The following BAIAP2 variants were observed in gnomAD, a reference collection of about 807,000 sequenced individuals.
The protein encoded by BAIAP2 is BAR/IMD domain-containing adapter protein 2.
A neutral mutation model predicts 63.0 loss-of-function variants in BAIAP2; 18 were observed. The ratio of observed to expected loss-of-function variants is 0.29; its 90% CI spans 0.20 to 0.42. BAIAP2 has a LOEUF of 0.42. BAIAP2 is among the 10% of genes least tolerant of loss of function. The pLI is 1.00. For synonymous variants in BAIAP2, 386 were observed against 307.6 expected (o/e 1.25, Z -2.67); for missense variants, 610 against 734.3 (o/e 0.83, Z 1.96).
chr17:81,098,432 TA>T (rs774653908), intron 6 of BAIAP2, among the ~76,000 whole-genome samples: 345 of 147,680 alleles, frequency 2.3e-3, no homozygotes, highest in Admixed American at 6.2e-3. Context: ...TTTTTTTTTT[TA>T]AATTGTGATA....
intron 13 of BAIAP2, among the ~76,000 whole-genome samples, chr17:81,111,307 G>A (rs2059902661): frequency 2.0e-5 from 3 of 152,262 alleles, no homozygotes. Context: ...AGCAGCTGCA[G>A]CCCGGGCCTT....
intron 2 of BAIAP2, among the ~76,000 whole-genome samples, chr17:81,054,250 G>A (rs1434335123): frequency 1.3e-5 from 1 of 76,606 alleles, no homozygotes; most frequent in African/African-American, 5.8e-5. Context: ...CCCTTGGGGT[G>A]GGAGCTGCCT....
At chr17:81,111,196 G>A (rs1311057668) in intron 13 of BAIAP2, among the ~76,000 whole-genome samples, 2 of 152,206 alleles carry the variant, frequency 1.3e-5, no homozygotes, top group East Asian at 1.9e-4. Flanking sequence ...CTGTGCCCGG[G>A]GCTCCTCTCA....
At chr17:81,067,194 A>G (rs942712825) in intron 3 of BAIAP2, among the ~76,000 whole-genome samples, 1 of 152,098 alleles carries the variant, frequency 6.6e-6, no homozygotes, top group African/African-American at 2.4e-5. Context: ...CCCTCCCTAC[A>G]GTAGGACTCC....
intron 3 of BAIAP2, among the ~76,000 whole-genome samples, chr17:81,077,288 C>T (rs1330133606): frequency 6.6e-6 from 1 of 152,058 alleles, no homozygotes. Flanking sequence ...ATTTCTTAGC[C>T]GGGCATGGCA....
chr17:81,109,399 A>C, intron 13 of BAIAP2: 1 of 1,025,502 alleles, frequency 9.8e-7, no homozygotes, highest in Non-Finnish European at 1.2e-6. Context: ...AAAAAAAGAA[A>C]AAAAGAAAAA....
chr17:81,057,831 TTGTC>T, intron 2 of BAIAP2, 46 bp from the exon 3 acceptor site: 1 of 1,580,408 alleles, frequency 6.3e-7, no homozygotes, highest in South Asian at 1.2e-5. Flanking sequence ...GCTGGGGGTC[TTGTC>T]TGTCCCTCGT....
chr17:81,104,163 C>T lies in BAIAP2; in HGVS notation c.1066+55C>T, dbSNP rs1437806925. 4.4e-6 allele frequency: 7 copies of T among 1,577,510 alleles called. No homozygotes were observed. In the South Asian group the frequency reaches 4.5e-5, roughly 10 times the overall value. On this transcript the variant is annotated intron_variant, in intron 9 of 13. Coordinates refer to ENST00000428708, the MANE Select transcript of BAIAP2 (RefSeq NM_001144888.2). ...GGTCCCTGGACGTGCCTCCTCAGAC[C>T]CTACAGTCATGCCACAACCCTCAAT...
chr17:81,054,543 A>G (rs1211860925), intron 2 of BAIAP2, among the ~76,000 whole-genome samples: 1 of 152,168 alleles, frequency 6.6e-6, no homozygotes, highest in Non-Finnish European at 1.5e-5. Flanking sequence ...GTCCTGTGGC[A>G]TCTAGAGACG....
At chr17:81,108,394 T>G in intron 12 of BAIAP2, 81 bp from the exon 13 acceptor site, 3 of 1,473,122 alleles carry the variant, frequency 2.0e-6, no homozygotes, top group Non-Finnish European at 2.8e-6. Context: ...GGATCACCAT[T>G]TGTGGGTGTG....
intron 1 of BAIAP2, among the ~76,000 whole-genome samples, chr17:81,038,871 C>T (rs886157082): frequency 2.0e-5 from 3 of 148,978 alleles, no homozygotes; most frequent in Non-Finnish European, 4.4e-5. Flanking sequence ...CTGACAGGCA[C>T]CTCCTGGCAT....
At chr17:81,050,895 C>T (rs1419827931) in intron 1 of BAIAP2, among the ~76,000 whole-genome samples, 1 of 151,556 alleles carries the variant, frequency 6.6e-6, no homozygotes. Context: ...ACAAGAAACG[C>T]GCATCCGGCA....
intron 1 of BAIAP2, among the ~76,000 whole-genome samples, chr17:81,041,547 T>C (rs1273004038): frequency 6.6e-6 from 1 of 151,564 alleles, no homozygotes; most frequent in Non-Finnish European, 1.5e-5. Flanking sequence ...TTTTCGTTTT[T>C]TGTTTGTTTT....
intron 3 of BAIAP2, among the ~76,000 whole-genome samples, chr17:81,064,042 T>G (rs112276021): frequency 2.6e-5 from 4 of 152,334 alleles, no homozygotes; most frequent in African/African-American, 9.6e-5. Context: ...GCCTGTCCTC[T>G]CTCTGCTGGC....
At chr17:81,053,445 C>T in intron 1 of BAIAP2, 1 of 580,266 alleles carries the variant, frequency 1.7e-6, no homozygotes, top group Non-Finnish European at 3.1e-6. Context: ...TTCTTACCCC[C>T]TTTGCACAGG....
chr17:81,115,810 A>G lies in BAIAP2; in HGVS notation c.1576A>G (p.Asn526Asp). The change falls in exon 14 of 14, where the codon AAC (asparagine) becomes GAC (aspartate). Residue 526 changes from asparagine (N) to aspartate (D), a missense_variant. Asn to Asp is a conservative substitution (Grantham distance 23). Around this residue, in one of 5 missense-constraint regions of BAIAP2, gnomAD observed 114 missense variants for 98.2 expected, o/e 1.16. Transcript: ENST00000428708. Reference protein sequence around the residue: ...AHVQLKPTVTNDRSAPLLS With the variant: ...AHVQLKPTVTDDRSAPLLS ...CGTCCAGCTGAAGCCGACAGTGACC[A>G]ACGACAGGTCTGCCCCCCTCCTCAG... 1 of 1,613,554 alleles carries G rather than the reference A, an allele frequency of 6.2e-7. No individual in the cohort carries two copies. The highest frequency in any genetic ancestry group is 8.5e-7 in the Non-Finnish European group (1 of 1,180,008).
At chr17:81,098,050 C>T in intron 6 of BAIAP2, 1 of 1,209,250 alleles carries the variant, frequency 8.3e-7, no homozygotes. Flanking sequence ...ACGCGCTACC[C>T]CAGACCTCAG....
Position 81,049,731 on chromosome 17 carries a change from G to C in BAIAP2, c.55-3937G>C, listed in dbSNP as rs148410800. Among the ~76,000 whole-genome samples, 356 of 152,346 alleles carry C rather than the reference G, an allele frequency of 2.3e-3. 1 individual carries two copies. Among genetic ancestry groups the C allele is most frequent in the African/African-American group, 8.1e-3 (335 of 41,588 alleles). On this transcript the variant is annotated intron_variant, in intron 1 of 13. Transcript: ENST00000428708. ...CATTCCGGAAGAGCTGGAGCTGCCT[G>C]TCACTGGCTCCCCTGCCCCCACCTG...
At chr17:81,064,643 T>A (rs2051149176) in intron 3 of BAIAP2, among the ~76,000 whole-genome samples, 1 of 152,184 alleles carries the variant, frequency 6.6e-6, no homozygotes, top group South Asian at 2.1e-4. Flanking sequence ...GCCCCTTTGT[T>A]CTCTCTCCTG....
Sources: allele counts gnomAD v4.1 joint callset (sites outside exome capture counted in the v4.1 genomes callset), GRCh38; gene constraint gnomAD v4.1.1; regional missense constraint gnomAD v4.1.1; transcripts MANE v1.5; gene names NCBI Gene and HGNC (gene_info 2026-07-23, HGNC 2026-07-21).